EPS15: variants seen among roughly 807,000 people sequenced by gnomAD.
EPS15 encodes epidermal growth factor receptor pathway substrate 15.
EPS15 carries 72 observed loss-of-function variants against 113.8 expected under a neutral mutation model. The ratio of observed to expected loss-of-function variants is 0.63; its 90% CI spans 0.52 to 0.77. The LOEUF is 0.77. Ranked by LOEUF, EPS15 falls within the 30% of genes least tolerant of loss-of-function variation. EPS15 has a pLI of 0.00. For missense variants in EPS15, 1,048 were observed against 1,045.8 expected (o/e 1.00, Z -0.03); for synonymous variants, 344 against 363.4 (o/e 0.95, Z 0.61).
chr1:51,371,165 G>A (rs760626622), intron 21 of EPS15, among the ~76,000 whole-genome samples: 6 of 151,894 alleles, frequency 4.0e-5, no homozygotes, highest in African/African-American at 9.7e-5. Flanking sequence ...TCCACCCACC[G>A]TGGCCTCTCA....
At chr1:51,364,241 T>C (rs1418259839) in intron 22 of EPS15, among the ~76,000 whole-genome samples, 3 of 152,192 alleles carry the variant, frequency 2.0e-5, no homozygotes, top group African/African-American at 7.2e-5. Flanking sequence ...TCATTACTTA[T>C]TAAGATTAAC....
chr1:51,368,707 C>T (rs564510116), intron 21 of EPS15, among the ~76,000 whole-genome samples: 16 of 151,612 alleles, frequency 1.1e-4, no homozygotes, highest in African/African-American at 3.4e-4. Flanking sequence ...AAGTGATTCT[C>T]GTGCCTCAGC....
intron 21 of EPS15, among the ~76,000 whole-genome samples, chr1:51,386,242 T>A (rs6588408): frequency 0.063 from 9,569 of 152,184 alleles, 954 homozygotes; most frequent in African/African-American, 0.21. Flanking sequence ...GAGCTTAATT[T>A]CTAATAGGAT....
rs2148420765 is a variant in EPS15, at chr1:51,403,412, T to G, written c.1791+7A>C. On this transcript the variant is annotated splice_region_variant and intron_variant, in intron 17 of 24. Coordinates refer to ENST00000371733, the MANE Select transcript of EPS15 (RefSeq NM_001981.3). The stretch of plus-strand genomic sequence containing the variant: ...GTCCCCAATGTAAATATAAAATCAT[T>G]TTTTACCTCTTTTGAATGTCTATTA... 1.3e-6 allele frequency: 2 copies of G among 1,505,810 alleles called. No individual in the cohort carries two copies. The highest frequency in any genetic ancestry group is 2.8e-5 in the African/African-American group (2 of 72,578). 93.3% of individuals were successfully genotyped at this position (1,505,810 alleles called of 1,614,324 possible).
chr1:51,438,221 T>C (rs915697887), intron 12 of EPS15, among the ~76,000 whole-genome samples: 3 of 152,174 alleles, frequency 2.0e-5, no homozygotes, highest in Admixed American at 6.5e-5. Context: ...TGTATAAATA[T>C]ACCGCACATT....
intron 1 of EPS15, among the ~76,000 whole-genome samples, chr1:51,493,290 G>C (rs967421510): frequency 5.9e-5 from 9 of 151,526 alleles, no homozygotes; most frequent in Admixed American, 3.3e-4. Flanking sequence ...GAACCCGGGA[G>C]GCGGAGCTTG....
rs1300850198 is a variant in EPS15 at position 51,455,696 on chromosome 1, AT to A, written c.561+5394del. On this transcript the variant is annotated intron_variant, in intron 8 of 24. Transcript: ENST00000371733. ...TGGGCCAGAAGTTAAACTCGGAAAT[AT>A]ATTTCCAATATCCTTACAATCTAGT... Among the ~76,000 whole-genome samples the A allele has an allele frequency of 2.0e-5, 3 of 152,242 alleles. No homozygotes were observed. The East Asian group carries it at 5.8e-4, about 29-fold the overall frequency.
intron 1 of EPS15, among the ~76,000 whole-genome samples, chr1:51,482,712 C>T (rs1422477792): frequency 4.6e-5 from 7 of 152,066 alleles, no homozygotes; most frequent in Non-Finnish European, 8.8e-5. Flanking sequence ...GTGATCCACC[C>T]GTTGTGGCTT....
rs375633406 is a variant in EPS15, at chr1:51,477,381, T to C, written c.75+3892A>G. 2.4e-4 allele frequency among the ~76,000 whole-genome samples: 36 copies of C among 152,294 alleles called. 1 individual carries two copies. The South Asian group carries it at 6.6e-3, about 28-fold the overall frequency. ...TAGTTTTGCTAGTGGTCTATCAATTTTGTTGATCTTTTCAAAAAACCAGCT... is the reference window on the plus strand; with the variant it reads ...TAGTTTTGCTAGTGGTCTATCAATTCTGTTGATCTTTTCAAAAAACCAGCT... On this transcript the variant is annotated intron_variant, in intron 2 of 24. Coordinates refer to ENST00000371733, the MANE Select transcript of EPS15 (RefSeq NM_001981.3).
intron 22 of EPS15, among the ~76,000 whole-genome samples, chr1:51,365,278 T>C (rs1646483859): frequency 6.6e-6 from 1 of 152,238 alleles, no homozygotes; most frequent in African/African-American, 2.4e-5. Context: ...TAATTGCATA[T>C]TGTGGGGGGC....
chr1:51,499,806 T>C (rs769586792), intron 1 of EPS15, among the ~76,000 whole-genome samples: 25 of 152,212 alleles, frequency 1.6e-4, no homozygotes, highest in Non-Finnish European at 3.4e-4. Flanking sequence ...TATGGTAAAA[T>C]ACACATAACA....
At chr1:51,430,946 C>T (rs116660671) in intron 12 of EPS15, among the ~76,000 whole-genome samples, 2,026 of 148,162 alleles carry the variant, frequency 0.014, 50 homozygotes, top group African/African-American at 0.044. Flanking sequence ...GCAGCAGAGC[C>T]TGACCCTATC....
chr1:51,451,490 C>CAAAAAAAAA (rs56091976), intron 8 of EPS15, among the ~76,000 whole-genome samples: 7 of 50,714 alleles, frequency 1.4e-4, no homozygotes, highest in Non-Finnish European at 1.5e-4. Context: ...GACTCCATCT[C>CAAAAAAAAA]AAAAAAAAAA....
At position 51,363,960 on chromosome 1, in the gene EPS15, A is replaced by T. The variant is rs746278908; in HGVS notation, c.2265T>A (p.Asn755Lys). 3.1e-6 allele frequency: 5 copies of T among 1,613,656 alleles called. No homozygotes were observed. Among genetic ancestry groups the T allele is most frequent in the Non-Finnish European group, 4.2e-6 (5 of 1,179,854 alleles). ...TTTTGACCGATGTTTCCTCAAATAC[A>T]TTTTTTGTAATCACTACGTTGCTGA... ...SSVSNVVITK[N>K]VFEETSVKSE... The change falls in exon 23 of 25, where the codon AAT becomes AAA. Residue 755 changes from asparagine (N) to lysine (K), a missense_variant. Asn to Lys is a moderately conservative substitution (Grantham distance 94, BLOSUM62 0). Coordinates refer to ENST00000371733, the MANE Select transcript of EPS15 (RefSeq NM_001981.3).
At chr1:51,456,293 A>G (rs1158482838) in intron 8 of EPS15, among the ~76,000 whole-genome samples, 1 of 152,228 alleles carries the variant, frequency 6.6e-6, no homozygotes, top group Admixed American at 6.5e-5. Context: ...ACCCCAAGTT[A>G]GAGTCCTCTC....
intron 12 of EPS15, among the ~76,000 whole-genome samples, chr1:51,433,434 G>A (rs567699506): frequency 1.3e-5 from 2 of 152,350 alleles, no homozygotes; most frequent in South Asian, 4.1e-4. Context: ...TCCAGGTCAT[G>A]TCAGGCAATC....
chr1:51,363,549 A>G (rs1646437203), intron 23 of EPS15, among the ~76,000 whole-genome samples: 1 of 152,202 alleles, frequency 6.6e-6, no homozygotes, highest in Non-Finnish European at 1.5e-5. Context: ...TGGATAATCA[A>G]TGAGTTTCCA....
At chr1:51,401,729 G>A (rs1314599342) in intron 18 of EPS15, among the ~76,000 whole-genome samples, 1 of 152,210 alleles carries the variant, frequency 6.6e-6, no homozygotes, top group Non-Finnish European at 1.5e-5. Context: ...CAGGCCAGGC[G>A]CAGTGGCTCA....
intron 1 of EPS15, among the ~76,000 whole-genome samples, chr1:51,500,157 G>T (rs1213345517): frequency 6.6e-6 from 1 of 152,158 alleles, no homozygotes; most frequent in Non-Finnish European, 1.5e-5. Flanking sequence ...ATACTCCGTT[G>T]CATGTAGATA....
Sources: gnomAD v4.1 joint callset for allele counts (sites outside exome capture counted in the v4.1 genomes callset) on GRCh38, gnomAD v4.1.1 for gene constraint, MANE v1.5 for transcripts, NCBI Gene and HGNC (gene_info 2026-07-23, HGNC 2026-07-21) for gene names.